Variants in LRRC8C observed in about 807,000 individuals in gnomAD.
LRRC8C encodes volume-regulated anion channel subunit LRRC8C.
A neutral mutation model predicts 55.3 loss-of-function variants in LRRC8C; 20 were observed. That is an observed-to-expected ratio of 0.36 (90% CI 0.25 to 0.53). The LOEUF (loss-of-function observed/expected upper bound fraction) is 0.53. Ranked by LOEUF, LRRC8C falls within the 20% of genes least tolerant of loss-of-function variation. The pLI is 0.92. For synonymous variants in LRRC8C, 376 were observed against 360.7 expected (o/e 1.04, Z -0.48); for missense variants, 659 against 951.4 (o/e 0.69, Z 4.04).
chr1:89,676,225 T>G (rs1657544596), intron 1 of LRRC8C: 2 of 152,226 alleles, frequency 1.3e-5, no homozygotes, highest in South Asian at 4.1e-4. Context: ...ACCTGTTTCT[T>G]AATAGGTTCA....
At chr1:89,622,308 T>A in the LRRC8C span, among the ~76,000 whole-genome samples, 1 of 151,892 alleles carries the variant, frequency 6.6e-6, no homozygotes, top group Admixed American at 6.6e-5. Context: ...TGTTGTTACA[T>A]GGATGAAATG....
At chr1:89,655,471 G>C (rs760202954) in intron 1 of LRRC8C, among the ~76,000 whole-genome samples, 2 of 152,230 alleles carry the variant, frequency 1.3e-5, no homozygotes, top group Admixed American at 1.3e-4. Flanking sequence ...ATCTATATCT[G>C]TGTCTTCAAA....
At chr1:89,636,432 C>T (rs1465608316) in intron 1 of LRRC8C, among the ~76,000 whole-genome samples, 1 of 152,182 alleles carries the variant, frequency 6.6e-6, no homozygotes, top group Non-Finnish European at 1.5e-5. Context: ...GAGTCAGAAA[C>T]ATGTACTCAT....
chr1:89,714,043 A>G lies in LRRC8C; in HGVS notation c.1473A>G (p.Glu491=). The stretch of plus-strand genomic sequence containing the variant: ...GTGCGGCGCTCTCTTTCCTGAAGGA[A>G]AACCTCAAGGTCTTGAGCGTCAAGT... The part of the protein sequence containing the change: ...IHSAALSFLK[E]NLKVLSVKFD... The change falls in exon 3 of 3, where the codon GAA becomes GAG. Residue 491 remains glutamate (E), a synonymous_variant. Transcript: ENST00000370454. This position sits in a 1 kb window ranked among gnomAD's most constrained non-coding sequence, Gnocchi z 4.6. 1.2e-6 allele frequency: 2 copies of G among 1,613,914 alleles called. No individual in the cohort carries two copies. The highest frequency in any genetic ancestry group is 1.7e-6 in the Non-Finnish European group (2 of 1,180,032).
At chr1:89,678,217 T>C (rs1657600877) in intron 1 of LRRC8C, among the ~76,000 whole-genome samples, 1 of 152,278 alleles carries the variant, frequency 6.6e-6, no homozygotes, top group Non-Finnish European at 1.5e-5. Context: ...AAAGCAATTA[T>C]ATCCCACTTT....
intron 1 of LRRC8C, among the ~76,000 whole-genome samples, chr1:89,643,918 T>C (rs1656541623): frequency 6.6e-6 from 1 of 152,224 alleles, no homozygotes. Context: ...GATATAGTTA[T>C]AGGCATAACC....
intron 1 of LRRC8C, among the ~76,000 whole-genome samples, chr1:89,671,551 C>G (rs12097782): frequency 2.6e-5 from 4 of 152,122 alleles, no homozygotes; most frequent in Non-Finnish European, 5.9e-5. Flanking sequence ...TGCGTGTGTT[C>G]AGTCTCAGGA....
intron 1 of LRRC8C, among the ~76,000 whole-genome samples, chr1:89,678,788 T>A (rs1657621463): frequency 1.3e-5 from 2 of 151,766 alleles, no homozygotes; most frequent in Non-Finnish European, 2.9e-5. Flanking sequence ...GAGTCAAGGA[T>A]GACTCCAAGA....
At chr1:89,678,707 A>C (rs1657617619) in intron 1 of LRRC8C, among the ~76,000 whole-genome samples, 1 of 144,898 alleles carries the variant, frequency 6.9e-6, no homozygotes, top group Admixed American at 7.1e-5. Flanking sequence ...TCTAAAAAAA[A>C]AAAAAAACGA....
chr1:89,622,335 A>T, the LRRC8C span, among the ~76,000 whole-genome samples: 38,882 of 145,208 alleles, frequency 0.27, 5,652 homozygotes, highest in Non-Finnish European at 0.34. Flanking sequence ...TACATGTAAA[A>T]TTTTTTTTTT....
intron 1 of LRRC8C, among the ~76,000 whole-genome samples, chr1:89,653,447 C>T (rs892856728): frequency 1.3e-5 from 2 of 152,128 alleles, no homozygotes; most frequent in African/African-American, 4.8e-5. Flanking sequence ...TGTGCAGTCA[C>T]AAGACAATGA....
rs1224243692 is a variant in LRRC8C at position 89,714,919 on chromosome 1, T to A, written c.2349T>A (p.Val783=). The change falls in exon 3 of 3, where the codon GTT becomes GTA. Residue 783 remains valine, a synonymous_variant. Coordinates refer to ENST00000370454, the MANE Select transcript of LRRC8C (RefSeq NM_032270.5). The surrounding 1 kb of genome is among the most constrained non-coding windows in gnomAD (Gnocchi z 4.6). ...DCRALKRAGL[V]VEDALFETLP... ...GGGCTCTGAAGCGAGCTGGTTTAGT[T>A]GTAGAAGATGCTCTGTTTGAAACTC... is the stretch of plus-strand genomic sequence containing the variant. 6.2e-7 allele frequency: 1 copy of A among 1,611,666 alleles called. No homozygotes were observed. Among genetic ancestry groups the A allele is most frequent in the East Asian group, 2.2e-5 (1 of 44,894 alleles).
At chr1:89,662,415 G>A (rs961259354) in intron 1 of LRRC8C, among the ~76,000 whole-genome samples, 1 of 152,184 alleles carries the variant, frequency 6.6e-6, no homozygotes. Context: ...GTGAGATGGA[G>A]AATTATTAGA....
chr1:89,667,269 C>T (rs1190280338), intron 1 of LRRC8C, among the ~76,000 whole-genome samples: 1 of 152,044 alleles, frequency 6.6e-6, no homozygotes, highest in African/African-American at 2.4e-5. Flanking sequence ...ATCTCTAGTC[C>T]AGTGTATCCA....
At chr1:89,696,239 A>G (rs527741743) in intron 2 of LRRC8C, among the ~76,000 whole-genome samples, 5 of 152,274 alleles carry the variant, frequency 3.3e-5, no homozygotes, top group African/African-American at 1.2e-4. Context: ...AATTAAAGCT[A>G]AGGTTCTGGC....
Position 89,712,914 on chromosome 1 carries a change from G to A in LRRC8C, c.344G>A (p.Cys115Tyr). Residue 115 changes from cysteine (C) to tyrosine (Y), a missense_variant, in exon 3 of 3, where the codon TGT (cysteine) becomes TAT (tyrosine). Physicochemically the swap from Cys to Tyr is radical, Grantham distance 194. Transcript: ENST00000370454. ...CAGTACAGCTTTATAAATCAGATGT[G>A]TTATGAGCGAGCCCTCCACTGGTAT... ...LQQYSFINQM[C>Y]YERALHWYAK... is the part of the protein sequence containing the mutation. 6.2e-7 allele frequency: 1 copy of A among 1,613,888 alleles called. No homozygotes were observed. Among genetic ancestry groups the A allele is most frequent in the South Asian group, 1.1e-5 (1 of 91,082 alleles).
chr1:89,659,208 C>G (rs1657047807), intron 1 of LRRC8C, among the ~76,000 whole-genome samples: 1 of 151,692 alleles, frequency 6.6e-6, no homozygotes, highest in East Asian at 1.9e-4. Context: ...CTGTGTCAGC[C>G]CAGCTATCCC....
chr1:89,654,716 A>C (rs1277660931), intron 1 of LRRC8C, among the ~76,000 whole-genome samples: 2 of 152,154 alleles, frequency 1.3e-5, no homozygotes, highest in Non-Finnish European at 2.9e-5. Flanking sequence ...TTGTTGGTGA[A>C]AAGTGTAATA....
chr1:89,680,742 G>T lies in LRRC8C; in HGVS notation c.-4-5728G>T, dbSNP rs149405777. 9.6e-3 allele frequency among the ~76,000 whole-genome samples: 1,460 copies of T among 151,780 alleles called. 12 individuals are homozygous for T. The highest frequency in any genetic ancestry group is 0.016 in the Non-Finnish European group (1,113 of 67,932). On this transcript the variant is annotated intron_variant, in intron 1 of 2. Coordinates refer to ENST00000370454, the MANE Select transcript of LRRC8C (RefSeq NM_032270.5). ...CATCTGGCTAAGTTTTGTATTTTTA[G>T]TAGAGATGGGATTTTACCATGTTGG...
Sources: gnomAD v4.1 joint callset for allele counts (sites outside exome capture counted in the v4.1 genomes callset) on GRCh38, gnomAD v4.1.1 for gene constraint, Gnocchi (gnomAD v3.1) non-coding constraint, MANE v1.5 for transcripts, NCBI Gene and HGNC (gene_info 2026-07-23, HGNC 2026-07-21) for gene names.